PSPC1: variants seen among roughly 807,000 people sequenced by gnomAD.
The protein encoded by PSPC1 is paraspeckle component 1.
Under a neutral mutation model 51.6 loss-of-function variants are expected in PSPC1, and 14 were observed. That is an observed-to-expected ratio of 0.27 (90% CI 0.18 to 0.42). PSPC1 has a LOEUF of 0.42. Among genes scored for constraint, PSPC1 ranks in the 10% least tolerant of loss-of-function variants. The probability of loss-of-function intolerance (pLI) is 1.00; values close to 1 mark genes in which losing one functional copy is unlikely to be tolerated. For missense variants in PSPC1, 406 were observed against 701.1 expected (o/e 0.58, Z 4.75); for synonymous variants, 193 against 231.9 (o/e 0.83, Z 1.53).
downstream of PSPC1, among the ~76,000 whole-genome samples, chr13:19,700,563 A>C (rs1326755141): frequency 2.0e-5 from 3 of 152,246 alleles, 1 homozygote; most frequent in South Asian, 4.1e-4. Flanking sequence ...GCATTTATTT[A>C]CAAAATATAC....
At chr13:19,673,425 T>TA, downstream of PSPC1, 1 of 239,652 alleles carries the variant, frequency 4.2e-6, no homozygotes, top group Non-Finnish European at 8.3e-6. Flanking sequence ...GTTTTGTCAA[T>TA]AAAACACTAT....
chr13:19,774,238 T>C (rs892524177), intron 1 of PSPC1, among the ~76,000 whole-genome samples: 7 of 152,214 alleles, frequency 4.6e-5, no homozygotes, highest in African/African-American at 1.7e-4. Flanking sequence ...GTATGTCTTT[T>C]TCATTGTGTT....
chr13:19,673,771 A>AAATT (rs1241826180), downstream of PSPC1, among the ~76,000 whole-genome samples: 1 of 152,244 alleles, frequency 6.6e-6, no homozygotes, highest in Non-Finnish European at 1.5e-5. Flanking sequence ...CAAATAGTTC[A>AAATT]AATTATCCGG....
chr13:19,773,310 C>T (rs1888795668), intron 1 of PSPC1, among the ~76,000 whole-genome samples: 1 of 143,870 alleles, frequency 7.0e-6, no homozygotes, highest in African/African-American at 2.6e-5. Flanking sequence ...AGTACAATGG[C>T]GTAATCTCGG....
chr13:19,671,406 C>T (rs1555224474), downstream of PSPC1: 10 of 831,500 alleles, frequency 1.2e-5, 1 homozygote, highest in South Asian at 1.5e-4. Flanking sequence ...GAGACAGGCA[C>T]TCCCTGGGGT....
chr13:19,730,965 CAAAAAA>C (rs56753561), intron 5 of PSPC1, among the ~76,000 whole-genome samples: 1 of 37,304 alleles, frequency 2.7e-5, no homozygotes, highest in Non-Finnish European at 6.2e-5. Flanking sequence ...AACAAAAAAA[CAAAAAA>C]AAAAAAAACA....
At chr13:19,759,472 C>A in intron 2 of PSPC1, 54 bp from the exon 3 acceptor site, 1 of 1,209,830 alleles carries the variant, frequency 8.3e-7, no homozygotes, top group Admixed American at 1.9e-5. Flanking sequence ...AGAATTAATA[C>A]CGTCTTAAAA....
chr13:19,713,687 C>T (rs1306390730), intron 6 of PSPC1, among the ~76,000 whole-genome samples: 1 of 151,938 alleles, frequency 6.6e-6, no homozygotes, highest in Non-Finnish European at 1.5e-5. Flanking sequence ...GCTTCGAATT[C>T]AAGTGTACTT....
chr13:19,744,682 A>T (rs947791607), intron 4 of PSPC1, among the ~76,000 whole-genome samples: 1 of 151,998 alleles, frequency 6.6e-6, no homozygotes, highest in African/African-American at 2.4e-5. Flanking sequence ...CTCCTGCCTC[A>T]GCCTCCCAAG....
chr13:19,734,605 G>C (rs920566704), intron 5 of PSPC1, among the ~76,000 whole-genome samples: 3 of 151,976 alleles, frequency 2.0e-5, no homozygotes, highest in Non-Finnish European at 4.4e-5. Flanking sequence ...AGTTCGAGAC[G>C]AGCCTGGCCA....
At chr13:19,672,113 C>T, downstream of PSPC1, 1 of 478,772 alleles carries the variant, frequency 2.1e-6, no homozygotes, top group South Asian at 4.2e-5. Flanking sequence ...GTGGATAGTA[C>T]ATATGAGGAT....
intron 6 of PSPC1, among the ~76,000 whole-genome samples, chr13:19,688,120 G>A (rs981917884): frequency 4.6e-5 from 7 of 151,922 alleles, no homozygotes; most frequent in South Asian, 2.1e-4. Context: ...CTGAATGGTC[G>A]TCTAATGCTC....
At chr13:19,704,082 G>A (rs376744250) in intron 8 of PSPC1, among the ~76,000 whole-genome samples, 14 of 152,364 alleles carry the variant, frequency 9.2e-5, no homozygotes, top group African/African-American at 3.4e-4. Flanking sequence ...AACAGACCAA[G>A]GGTGATATTT....
chr13:19,722,147 C>A (rs1179244461), intron 6 of PSPC1, among the ~76,000 whole-genome samples: 1 of 152,006 alleles, frequency 6.6e-6, no homozygotes, highest in Non-Finnish European at 1.5e-5. Context: ...TAGTAGACAA[C>A]AAAGTCAGAA....
rs760567891 is a variant in PSPC1, at chr13:19,759,403, G to A, written c.690C>T (p.Val230=). The change falls in exon 3 of 9, where the codon GTC becomes GTT. Residue 230 remains valine (V), a synonymous_variant. Transcript: ENST00000338910. ...AFLLTTTPRP[V]IVEPMEQFDD... ...CAAACTGCTCCATGGGTTCCACAAT[G>A]ACTGGACGAGGGGTCCTGGATAGGT... The A allele has an allele frequency of 3.1e-6, 5 of 1,614,024 alleles. No homozygotes were observed. The highest frequency in any genetic ancestry group is 4.2e-6 in the Non-Finnish European group (5 of 1,179,918).
chr13:19,745,188 C>T (rs1220537858), intron 4 of PSPC1, among the ~76,000 whole-genome samples: 1 of 152,182 alleles, frequency 6.6e-6, no homozygotes, highest in African/African-American at 2.4e-5. Context: ...CATGGTGGCA[C>T]ACGCCTGTAG....
chr13:19,759,555 T>C lies in PSPC1; in HGVS notation c.675-137A>G, dbSNP rs1887418544. The stretch of plus-strand genomic sequence containing the variant: ...TGAGAAAAATGTCTCAGAAGTATCA[T>C]TTGTACTCATAAAAATCAGTCAACA... On this transcript the variant is annotated intron_variant, in intron 2 of 8. Transcript: ENST00000338910. The C allele has an allele frequency of 1.1e-5, 7 of 659,148 alleles. No individual in the cohort carries two copies. In the South Asian group the frequency reaches 1.4e-4, roughly 13 times the overall value. The allele number at this position is 659,148 out of a possible 1,614,324, so 40.8% of individuals were successfully genotyped here.
intron 6 of PSPC1, among the ~76,000 whole-genome samples, chr13:19,721,071 A>C (rs1882713719): frequency 6.6e-6 from 1 of 152,170 alleles, no homozygotes; most frequent in Non-Finnish European, 1.5e-5. Flanking sequence ...ACAAAATTCT[A>C]ACATTTTAGA....
chr13:19,782,926 A>C lies in PSPC1; in HGVS notation c.-169T>G. On this transcript the variant is annotated 5_prime_UTR_variant, in exon 1 of 9. Coordinates refer to ENST00000338910, the MANE Select transcript of PSPC1 (RefSeq NM_001354909.2). The surrounding 1 kb of genome is among the most constrained non-coding windows in gnomAD (Gnocchi z 4.5). ...TCCTCCCCCAACTCACGCCCGCTGCAGCTGCACATTCAAAATGGCGCTGCC... is the reference window on the plus strand; with the variant it reads ...TCCTCCCCCAACTCACGCCCGCTGCCGCTGCACATTCAAAATGGCGCTGCC... The C allele has an allele frequency of 1.6e-6, 1 of 641,180 alleles. No homozygotes were observed. Among genetic ancestry groups the C allele is most frequent in the Non-Finnish European group, 2.3e-6 (1 of 426,472 alleles). 39.7% of individuals were successfully genotyped at this position (641,180 alleles called of 1,614,324 possible).
Sources: gnomAD v4.1 joint callset for allele counts (sites outside exome capture counted in the v4.1 genomes callset) on GRCh38, gnomAD v4.1.1 for gene constraint, Gnocchi (gnomAD v3.1) non-coding constraint, MANE v1.5 for transcripts, NCBI Gene and HGNC (gene_info 2026-07-23, HGNC 2026-07-21) for gene names.